UBE2D2: variants seen among roughly 807,000 people sequenced by gnomAD.
UBE2D2 encodes ubiquitin-conjugating enzyme E2 D2.
Under a neutral mutation model 24.2 loss-of-function variants are expected in UBE2D2, and 2 were observed. The observed-to-expected ratio is 0.08, with a 90% confidence interval of 0.03 to 0.26. The LOEUF (loss-of-function observed/expected upper bound fraction) is 0.26. Among genes scored for constraint, UBE2D2 ranks in the 10% least tolerant of loss-of-function variants. UBE2D2 has a pLI of 1.00. For missense variants in UBE2D2, 44 were observed against 177.6 expected, an observed-to-expected ratio of 0.25 and a Z score of 4.28; for synonymous variants, 58 against 56.5, an observed-to-expected ratio of 1.03 and a Z score of -0.12.
chr5:139,539,090 T>C (rs1752723557), intron 1 of UBE2D2, among the ~76,000 whole-genome samples: 1 of 151,926 alleles, frequency 6.6e-6, no homozygotes, highest in African/African-American at 2.4e-5. Context: ...AGTGGTGCGA[T>C]CTCAGCTCAC....
chr5:139,550,556 C>T (rs1047086445), intron 1 of UBE2D2, among the ~76,000 whole-genome samples: 5 of 152,152 alleles, frequency 3.3e-5, no homozygotes, highest in East Asian at 1.9e-4. Context: ...CTCAGGTTCT[C>T]TTCCACGCTC....
At chr5:139,599,254 G>A (rs1232486680) in intron 1 of UBE2D2, among the ~76,000 whole-genome samples, 1 of 151,674 alleles carries the variant, frequency 6.6e-6, no homozygotes, top group Non-Finnish European at 1.5e-5. Context: ...TTCCTTCAAA[G>A]TTTTTTCTAC....
chr5:139,605,591 CAAAAAAAAAAAAA>C (rs70988710), intron 2 of UBE2D2, among the ~76,000 whole-genome samples: 1 of 44,708 alleles, frequency 2.2e-5, no homozygotes, highest in African/African-American at 8.7e-5. Flanking sequence ...GACTCTGTCT[CAAAAAAAAAAAAA>C]AAAAAAAAAA....
At chr5:139,617,982 T>G (rs537904152) in intron 5 of UBE2D2, among the ~76,000 whole-genome samples, 5 of 150,648 alleles carry the variant, frequency 3.3e-5, no homozygotes, top group Admixed American at 1.3e-4. Context: ...TTATTATTTG[T>G]TTTTTTTTGA....
chr5:139,569,712 G>A (rs569291045), intron 1 of UBE2D2, among the ~76,000 whole-genome samples: 58 of 152,204 alleles, frequency 3.8e-4, no homozygotes, highest in Non-Finnish European at 5.7e-4. Context: ...TCTCAGGGCT[G>A]CTGTCTGGAA....
At chr5:139,579,130 G>A (rs778946228) in intron 1 of UBE2D2, among the ~76,000 whole-genome samples, 6 of 151,840 alleles carry the variant, frequency 4.0e-5, no homozygotes, top group Non-Finnish European at 4.4e-5. Flanking sequence ...ACCACACCCA[G>A]CTAATTTTTG....
intron 1 of UBE2D2, among the ~76,000 whole-genome samples, chr5:139,537,775 T>C (rs1179589949): frequency 2.0e-5 from 3 of 151,854 alleles, no homozygotes; most frequent in East Asian, 4.0e-4. Context: ...CCATCCTGGC[T>C]AACACGGTGA....
chr5:139,622,065 C>T (rs1256876986), intron 5 of UBE2D2, among the ~76,000 whole-genome samples: 1 of 152,154 alleles, frequency 6.6e-6, no homozygotes, highest in Non-Finnish European at 1.5e-5. Context: ...CGTCACTGCA[C>T]CTGTCTGGGC....
intron 1 of UBE2D2, among the ~76,000 whole-genome samples, chr5:139,584,962 G>A (rs1475461681): frequency 2.0e-5 from 3 of 150,262 alleles, no homozygotes; most frequent in African/African-American, 4.9e-5. Context: ...GTGCAGTGGC[G>A]CGATCTCGGC....
intron 1 of UBE2D2, among the ~76,000 whole-genome samples, chr5:139,538,380 G>C (rs190575737): frequency 6.6e-6 from 1 of 152,226 alleles, no homozygotes; most frequent in African/African-American, 2.4e-5. Context: ...AGTAACCCAA[G>C]TGTCCATCAG....
chr5:139,611,975 T>G (rs1754330242), intron 2 of UBE2D2: 1 of 151,884 alleles, frequency 6.6e-6, no homozygotes, highest in Non-Finnish European at 1.5e-5. Context: ...TTTTTTTTTT[T>G]TTTTGAACAT....
intron 5 of UBE2D2, among the ~76,000 whole-genome samples, chr5:139,617,026 A>T (rs1362476993): frequency 6.6e-6 from 1 of 152,074 alleles, no homozygotes; most frequent in African/African-American, 2.4e-5. Flanking sequence ...TACTAAAAAT[A>T]CAAAAAATTA....
intron 1 of UBE2D2, among the ~76,000 whole-genome samples, chr5:139,598,482 T>C (rs1049971397): frequency 1.3e-5 from 2 of 151,432 alleles, no homozygotes; most frequent in Non-Finnish European, 2.9e-5. Context: ...CTTTTATGTT[T>C]AAAAAGCTGA....
intron 1 of UBE2D2, among the ~76,000 whole-genome samples, chr5:139,551,725 T>G (rs1029490245): frequency 6.6e-6 from 1 of 152,138 alleles, no homozygotes; most frequent in African/African-American, 2.4e-5. Flanking sequence ...ACAATCACAA[T>G]CAAGTGTGAT....
At chr5:139,589,674 C>T (rs1334144963) in intron 1 of UBE2D2, among the ~76,000 whole-genome samples, 1 of 152,146 alleles carries the variant, frequency 6.6e-6, no homozygotes, top group Non-Finnish European at 1.5e-5. Flanking sequence ...AAGAAAATGG[C>T]TTTAATAGTT....
chr5:139,556,542 C>CTAAA (rs1237257804), upstream of UBE2D2, among the ~76,000 whole-genome samples: 1 of 151,902 alleles, frequency 6.6e-6, no homozygotes. Flanking sequence ...AAATTTTGTT[C>CTAAA]TTTAGGAGAA....
intron 1 of UBE2D2, among the ~76,000 whole-genome samples, chr5:139,578,659 C>T (rs1753534428): frequency 6.6e-6 from 1 of 151,986 alleles, no homozygotes; most frequent in South Asian, 2.1e-4. Context: ...TGCTGTGTGG[C>T]CCAGGCTGCT....
At chr5:139,572,581 G>A (rs1370928265) in intron 1 of UBE2D2, among the ~76,000 whole-genome samples, 5 of 151,660 alleles carry the variant, frequency 3.3e-5, no homozygotes, top group African/African-American at 1.2e-4. Context: ...GGGCCACAGA[G>A]CGAGATCTGT....
At chr5:139,572,647 CTTT>C (rs35460912) in intron 1 of UBE2D2, among the ~76,000 whole-genome samples, 6 of 137,896 alleles carry the variant, frequency 4.4e-5, no homozygotes, top group Non-Finnish European at 4.7e-5. Context: ...AATTATTATT[CTTT>C]TTTTTTTTTT....
Sources: gnomAD v4.1 joint callset for allele counts (sites outside exome capture counted in the v4.1 genomes callset) on GRCh38, gnomAD v4.1.1 for gene constraint, MANE v1.5 for transcripts, NCBI Gene and HGNC (gene_info 2026-07-23, HGNC 2026-07-21) for gene names.